The following PCDHA1 variants were observed in gnomAD, a reference collection of about 807,000 sequenced individuals.
The protein encoded by PCDHA1 is protocadherin alpha-1.
A neutral mutation model predicts 61.3 loss-of-function variants in PCDHA1; 42 were observed. That is an observed-to-expected ratio of 0.69 (90% CI 0.54 to 0.89). The LOEUF (loss-of-function observed/expected upper bound fraction) is 0.89. Among genes scored for constraint, PCDHA1 ranks in the 40% least tolerant of loss-of-function variants. The probability of loss-of-function intolerance (pLI) is 0.00; values close to 1 mark genes in which losing one functional copy is unlikely to be tolerated. For missense variants in PCDHA1, 1,256 were observed against 1,235.3 expected (o/e 1.02, Z -0.25); for synonymous variants, 610 against 553.8 (o/e 1.10, Z -1.43).
At chr5:140,883,760 CG>C (rs1160842473) in intron 1 of PCDHA1, 1 of 1,612,672 alleles carries the variant, frequency 6.2e-7, no homozygotes, top group Non-Finnish European at 8.5e-7. Context: ...GGTGGAGCGG[CG>C]GGTGGGCGAG....
Position 140,869,617 on chromosome 5 carries a change from C to G in PCDHA1, c.2394+80933C>G, listed in dbSNP as rs782525218. The stretch of plus-strand genomic sequence containing the variant: ...AGAGAATGCTCTATTGACCTACAGG[C>G]TAAGTAAAAATGAGTATTTTTCTTT... On this transcript the variant is annotated intron_variant, in intron 1 of 3. Transcript: ENST00000504120. 5 of 1,613,828 alleles carry G rather than the reference C, an allele frequency of 3.1e-6. No homozygotes were observed. The highest frequency in any genetic ancestry group is 4.2e-6 in the Non-Finnish European group (5 of 1,179,910).
At chr5:140,902,677 G>A (rs1457054226) in intron 1 of PCDHA1, among the ~76,000 whole-genome samples, 6 of 151,960 alleles carry the variant, frequency 3.9e-5, no homozygotes, top group Non-Finnish European at 5.9e-5. Flanking sequence ...AGTGTACACC[G>A]TACCTAATAT....
intron 3 of PCDHA1, among the ~76,000 whole-genome samples, chr5:141,005,795 C>G (rs2098239997): frequency 8.0e-6 from 1 of 124,778 alleles, no homozygotes; most frequent in Admixed American, 8.1e-5. Context: ...GAGGCAAAAA[C>G]AACTCCAAGG....
Position 140,853,023 on chromosome 5 carries a change from C to T in PCDHA1, c.2394+64339C>T, listed in dbSNP as rs1239749008. On this transcript the variant is annotated intron_variant, in intron 1 of 3. Transcript: ENST00000504120. ...CCTCCCGAGTAGCTGGGACTACAGG[C>T]GCCTGCCACCATGCCCGCCTAATTT... 6 of 257,856 alleles carry T rather than the reference C, an allele frequency of 2.3e-5. 1 individual carries two copies. The highest frequency in any genetic ancestry group is 1.2e-4 in the African/African-American group (5 of 42,466). 16.0% of individuals were successfully genotyped at this position (257,856 alleles called of 1,614,324 possible). A position where few individuals can be genotyped will look rare whatever the true frequency, so the allele number is the denominator to read the frequency against.
intron 1 of PCDHA1, among the ~76,000 whole-genome samples, chr5:140,945,731 A>G (rs1021363337): frequency 2.6e-5 from 4 of 152,144 alleles, no homozygotes; most frequent in Non-Finnish European, 4.4e-5. Flanking sequence ...TACAATGGAA[A>G]AAGGACAGCC....
intron 1 of PCDHA1, chr5:140,848,593 A>T: frequency 1.3e-6 from 2 of 1,593,964 alleles, no homozygotes; most frequent in Non-Finnish European, 1.7e-6. Context: ...CAGCTCCACT[A>T]CTCCGTCCCG....
intron 1 of PCDHA1, chr5:140,882,520 G>C (rs2059167404): frequency 6.2e-7 from 1 of 1,614,218 alleles, no homozygotes; most frequent in Admixed American, 1.7e-5. Context: ...ATGGCATTTT[G>C]TTTGTGAATT....
In PCDHA1 at chr5:140,872,848, A is replaced by G. The variant is rs531539520; in HGVS notation, c.2394+84164A>G. ...AGCAGAGAAAAAATTAAATATATTA[A>G]TGTGAGTACCTACTGACAATTATCA... On this transcript the variant is annotated intron_variant, in intron 1 of 3. Transcript: ENST00000504120. Among the ~76,000 whole-genome samples the G allele has an allele frequency of 3.3e-5, 5 of 152,332 alleles. No individual in the cohort carries two copies. The South Asian group carries it at 1.0e-3, about 32-fold the overall frequency.
chr5:140,875,792 A>G, intron 1 of PCDHA1: 1 of 1,614,116 alleles, frequency 6.2e-7, no homozygotes, highest in East Asian at 2.2e-5. Context: ...ATCCACCTGG[A>G]GGTGATCGTG....
chr5:140,989,373 C>G (rs1189877807), intron 3 of PCDHA1, among the ~76,000 whole-genome samples: 1 of 152,088 alleles, frequency 6.6e-6, no homozygotes, highest in Non-Finnish European at 1.5e-5. Flanking sequence ...TGACTGAGAG[C>G]TTTGTGGGAA....
chr5:140,971,928 T>C (rs1318885872), intron 1 of PCDHA1, among the ~76,000 whole-genome samples: 1 of 152,186 alleles, frequency 6.6e-6, no homozygotes, highest in Non-Finnish European at 1.5e-5. Flanking sequence ...GCTAGTGTTA[T>C]TTTAAGTTGT....
chr5:140,905,632 G>GCCA (rs2071986222), intron 1 of PCDHA1, among the ~76,000 whole-genome samples: 1 of 152,106 alleles, frequency 6.6e-6, no homozygotes, highest in South Asian at 2.1e-4. Flanking sequence ...TGACAGTATG[G>GCCA]TCAGTTTCAC....
intron 3 of PCDHA1, among the ~76,000 whole-genome samples, chr5:140,986,982 G>A (rs782173410): frequency 3.9e-5 from 6 of 152,164 alleles, no homozygotes; most frequent in Non-Finnish European, 8.8e-5. Context: ...GGGAGGCCAA[G>A]GCAGGCAGAT....
chr5:140,788,503 C>T lies in PCDHA1; in HGVS notation c.2213C>T (p.Thr738Ile), dbSNP rs13176401. 6.9e-3 allele frequency: 11,086 copies of T among 1,614,136 alleles called. 66 individuals carry two copies. The highest frequency in any genetic ancestry group is 0.012 in the Middle Eastern group (74 of 6,058). ...TEGAYVPGKPTLVCSSALGSW... is the reference protein window; with the variant it reads ...TEGAYVPGKPILVCSSALGSW... ...GGTGCGTATGTGCCGGGCAAGCCCA[C>T]TCTGGTGTGCTCCAGCGCGTTGGGG... Residue 738 changes from threonine to isoleucine, a missense_variant, in exon 1 of 4, where the codon ACT (threonine) becomes ATT (isoleucine). Physicochemically the swap from Thr to Ile is moderately conservative, Grantham distance 89. Coordinates refer to ENST00000504120, the MANE Select transcript of PCDHA1 (RefSeq NM_018900.4).
chr5:140,822,992 T>G, intron 1 of PCDHA1: 1 of 1,614,216 alleles, frequency 6.2e-7, no homozygotes, highest in Non-Finnish European at 8.5e-7. Context: ...TACTACTCGT[T>G]GGTGCTGGAC....
At chr5:140,961,558 A>T (rs1285175060) in intron 1 of PCDHA1, among the ~76,000 whole-genome samples, 1 of 151,976 alleles carries the variant, frequency 6.6e-6, no homozygotes, top group Admixed American at 6.6e-5. Context: ...TTCTTTTTTT[A>T]AATTTTGTTT....
rs781922775 is a variant in PCDHA1 at position 140,856,490 on chromosome 5, G to C, written c.2394+67806G>C. On this transcript the variant is annotated intron_variant, in intron 1 of 3. Coordinates refer to ENST00000504120, the MANE Select transcript of PCDHA1 (RefSeq NM_018900.4). Reference sequence around the variant, plus strand: ...CTCAATACCTGAATCCAGACTGCTTGACTCTCGATTTCCACTAGAAGGCGC... The same window carrying C: ...CTCAATACCTGAATCCAGACTGCTTCACTCTCGATTTCCACTAGAAGGCGC... 1.9e-6 allele frequency: 3 copies of C among 1,598,350 alleles called. 1 individual carries two copies. The highest frequency in any genetic ancestry group is 2.6e-6 in the Non-Finnish European group (3 of 1,167,864).
At chr5:140,979,244 T>C (rs1214932523) in intron 2 of PCDHA1, among the ~76,000 whole-genome samples, 1 of 152,224 alleles carries the variant, frequency 6.6e-6, no homozygotes, top group African/African-American at 2.4e-5. Context: ...AGAAACAGGC[T>C]GCTATGTATT....
chr5:141,009,533 G>T (rs1410740655), intron 3 of PCDHA1, 94 bp from the exon 4 acceptor site: 1 of 1,509,328 alleles, frequency 6.6e-7, no homozygotes, highest in African/African-American at 1.4e-5. Context: ...GGGAGGTTCA[G>T]CCTGCCTATG....
Sources: allele counts gnomAD v4.1 joint callset (sites outside exome capture counted in the v4.1 genomes callset), GRCh38; gene constraint gnomAD v4.1.1; transcripts MANE v1.5; gene names NCBI Gene and HGNC (gene_info 2026-07-23, HGNC 2026-07-21).